ASXL2: variants seen among roughly 807,000 people sequenced by gnomAD.
The protein encoded by ASXL2 is ASXL transcriptional regulator 2, also known as putative Polycomb group protein ASXL2.
Under a neutral mutation model 122.0 loss-of-function variants are expected in ASXL2, and 23 were observed. That is an observed-to-expected ratio of 0.19 (90% CI 0.14 to 0.27). ASXL2 has a LOEUF of 0.27. Among genes scored for constraint, ASXL2 ranks in the 10% least tolerant of loss-of-function variants. The pLI is 1.00. For synonymous variants in ASXL2, 650 were observed against 637.0 expected (o/e 1.02, Z -0.31); for missense variants, 1,518 against 1,713.8 (o/e 0.89, Z 2.02).
chr2:25,744,970 C>CAT lies in ASXL2; in HGVS notation c.1861-495_1861-494insAT, dbSNP rs1264867475. ...ACACACACACACACACACACACACA[C>CAT]ACACACACACTTGGGCTGGATTATC... On this transcript the variant is annotated intron_variant, in intron 12 of 12. Transcript: ENST00000435504. This position sits in a 1 kb window ranked among gnomAD's most constrained non-coding sequence, Gnocchi z 4.7. Among the ~76,000 whole-genome samples the CAT allele has an allele frequency of 4.0e-5, 6 of 149,168 alleles. No individual in the cohort carries two copies. Among genetic ancestry groups the CAT allele is most frequent in the African/African-American group, 1.5e-4 (6 of 39,234 alleles).
intron 2 of ASXL2, among the ~76,000 whole-genome samples, chr2:25,837,798 C>A (rs775135233): frequency 1.3e-5 from 2 of 151,042 alleles, no homozygotes; most frequent in African/African-American, 4.9e-5. Flanking sequence ...TGCAGTGAGC[C>A]GTGATTAAAA....
chr2:25,817,482 T>C (rs1335396593), intron 3 of ASXL2, among the ~76,000 whole-genome samples: 4 of 152,232 alleles, frequency 2.6e-5, no homozygotes, highest in Non-Finnish European at 5.9e-5. Flanking sequence ...ACAATGGTTA[T>C]TCCTACTTAA....
Position 25,735,962 on chromosome 2 carries a change from GA to G in ASXL2, c.*6066del, listed in dbSNP as rs1228452578. 1 of 152,082 alleles carries G rather than the reference GA, an allele frequency of 6.6e-6. No individual in the cohort carries two copies. The highest frequency in any genetic ancestry group is 1.5e-5 in the Non-Finnish European group (1 of 68,006). The allele number at this position is 152,082 out of a possible 1,614,324, so 9.4% of individuals were successfully genotyped here. On this transcript the variant is annotated 3_prime_UTR_variant, in exon 13 of 13. Coordinates refer to ENST00000435504, the MANE Select transcript of ASXL2 (RefSeq NM_018263.6). ...AAGGTAGTATTACTCCTTGAGCCTA[GA>G]ACTAAAAACATGCTGTATAGTCACT...
At chr2:25,753,416 T>G in intron 11 of ASXL2, 118 bp downstream of exon 11, 2 of 646,108 alleles carry the variant, frequency 3.1e-6, no homozygotes, top group Non-Finnish European at 4.8e-6. Context: ...AAAAACAAAA[T>G]AAAACAAAAC....
chr2:25,746,886 T>C (rs1014582591), intron 12 of ASXL2, among the ~76,000 whole-genome samples: 3 of 152,082 alleles, frequency 2.0e-5, no homozygotes, highest in Non-Finnish European at 2.9e-5. Context: ...TTCAATCCTT[T>C]TCTTTTTAAG....
rs115791116 is a variant in ASXL2 at position 25,845,633 on chromosome 2, A to C, written c.58-70T>G. 1,632 of 701,164 alleles carry C rather than the reference A, an allele frequency of 2.3e-3. 12 individuals are homozygous for C. The highest frequency in any genetic ancestry group is 1.6e-3 in the Non-Finnish European group (784 of 500,162). The allele number at this position is 701,164 out of a possible 1,614,324, so 43.4% of individuals were successfully genotyped here. On this transcript the variant is annotated intron_variant, in intron 1 of 12. Transcript: ENST00000435504. ...TATTATAATTCTATATATATTTCTT[A>C]TAATTACGTCTTAAAAGCTAAAATT...
At chr2:25,851,806 G>A (rs545045210) in intron 1 of ASXL2, among the ~76,000 whole-genome samples, 15 of 152,210 alleles carry the variant, frequency 9.9e-5, no homozygotes, top group Admixed American at 5.2e-4. Flanking sequence ...CACGAGAACC[G>A]CTTGAGCCTG....
At chr2:25,770,682 GAGGCGGAGGTTGCACT>G (rs2088433271) in intron 6 of ASXL2, among the ~76,000 whole-genome samples, 5 of 152,138 alleles carry the variant, frequency 3.3e-5, no homozygotes, top group African/African-American at 9.6e-5. Context: ...TTGAACCCGG[GAGGCGGAGGTTGCACT>G]AGGCAACAAG....
chr2:25,790,434 A>G (rs1459174606), intron 5 of ASXL2, among the ~76,000 whole-genome samples: 1 of 151,212 alleles, frequency 6.6e-6, no homozygotes, highest in Non-Finnish European at 1.5e-5. Flanking sequence ...AAAAAAACAT[A>G]AAAAAAGGAA....
chr2:25,757,939 AAAGAT>A (rs1389809681), intron 9 of ASXL2, among the ~76,000 whole-genome samples: 2 of 147,796 alleles, frequency 1.4e-5, no homozygotes, highest in African/African-American at 5.1e-5. Context: ...AAAAAAAAAA[AAAGAT>A]GAGAGCAATC....
intron 10 of ASXL2, among the ~76,000 whole-genome samples, chr2:25,754,534 G>C (rs1170039801): frequency 6.6e-6 from 1 of 152,130 alleles, no homozygotes; most frequent in Non-Finnish European, 1.5e-5. Flanking sequence ...ATCCAACCCA[G>C]AACTCCTGCT....
At chr2:25,840,658 T>C (rs1223707096) in intron 2 of ASXL2, among the ~76,000 whole-genome samples, 1 of 152,252 alleles carries the variant, frequency 6.6e-6, no homozygotes, top group Non-Finnish European at 1.5e-5. Flanking sequence ...CTTAGCATAA[T>C]GTTTTCAAGG....
intron 1 of ASXL2, among the ~76,000 whole-genome samples, chr2:25,871,104 CAT>C (rs1203994889): frequency 3.3e-5 from 5 of 152,076 alleles, no homozygotes; most frequent in African/African-American, 1.2e-4. Flanking sequence ...ATAGTAAAAA[CAT>C]AACAAATCAC....
chr2:25,850,250 C>T (rs2089699662), intron 1 of ASXL2, among the ~76,000 whole-genome samples: 1 of 151,980 alleles, frequency 6.6e-6, no homozygotes, highest in Admixed American at 6.6e-5. Flanking sequence ...AGTCAATGTC[C>T]CAAATTTACA....
intron 6 of ASXL2, among the ~76,000 whole-genome samples, chr2:25,770,155 AC>A (rs754450110): frequency 2.8e-4 from 43 of 152,286 alleles, no homozygotes; most frequent in Middle Eastern, 3.4e-3. Context: ...ATTTATTAGA[AC>A]CACTTGATTG....
intron 3 of ASXL2, among the ~76,000 whole-genome samples, chr2:25,821,742 C>T (rs115864305): frequency 5.3e-4 from 81 of 152,304 alleles, no homozygotes; most frequent in African/African-American, 1.9e-3. Context: ...GAAAACCATT[C>T]CAAAACAAAC....
At chr2:25,774,008 C>T (rs956890103) in intron 5 of ASXL2, among the ~76,000 whole-genome samples, 5 of 151,682 alleles carry the variant, frequency 3.3e-5, no homozygotes, top group African/African-American at 9.7e-5. Flanking sequence ...CTAGCCTGGG[C>T]AACACAGTGA....
In ASXL2 at chr2:25,750,425, A is replaced by C. The variant is rs1307272553; in HGVS notation, c.1143-12T>G. ...GGCTCAGGCCAGAACTAAAAAGGGG[A>C]AAAAAGAAATATTCCAGTTGAAAAA... On this transcript the variant is annotated splice_polypyrimidine_tract_variant and intron_variant, in intron 11 of 12. Transcript: ENST00000435504. The C allele has an allele frequency of 3.2e-6, 5 of 1,562,590 alleles. No homozygotes were observed. The highest frequency in any genetic ancestry group is 4.3e-6 in the Non-Finnish European group (5 of 1,160,500).
At chr2:25,852,736 C>T (rs1053337344) in intron 1 of ASXL2, among the ~76,000 whole-genome samples, 11 of 152,152 alleles carry the variant, frequency 7.2e-5, no homozygotes, top group Admixed American at 7.2e-4. Context: ...AACCAGAAAA[C>T]ACTGCTGTTT....
Sources: allele counts gnomAD v4.1 joint callset (sites outside exome capture counted in the v4.1 genomes callset), GRCh38; gene constraint gnomAD v4.1.1; non-coding constraint Gnocchi (gnomAD v3.1); transcripts MANE v1.5; gene names NCBI Gene and HGNC (gene_info 2026-07-23, HGNC 2026-07-21).